The following NRG1 variants were observed in gnomAD, a reference collection of about 807,000 sequenced individuals.
NRG1 encodes pro-neuregulin-1, membrane-bound isoform.
NRG1 carries 18 observed loss-of-function variants against 63.8 expected under a neutral mutation model. The observed-to-expected ratio is 0.28, with a 90% CI of 0.19 to 0.42. The LOEUF (loss-of-function observed/expected upper bound fraction) is 0.42, where lower values mean the gene tolerates loss of function less well. Among genes scored for constraint, NRG1 ranks in the 10% least tolerant of loss-of-function variants. NRG1 has a pLI of 1.00. For synonymous variants in NRG1, 302 were observed against 301.3 expected, an observed-to-expected ratio of 1.00 and a Z score of -0.02; for missense variants, 762 against 814.7, an observed-to-expected ratio of 0.94 and a Z score of 0.79.
chr8:32,258,187 G>A (rs147017268), intron 1 of NRG1, among the ~76,000 whole-genome samples: 503 of 152,228 alleles, frequency 3.3e-3, no homozygotes, highest in South Asian at 0.024. Flanking sequence ...ATGCATTTAC[G>A]TGTGAAGGAA....
At chr8:31,661,812 G>A (rs780553634) in intron 1 of NRG1, among the ~76,000 whole-genome samples, 2 of 152,212 alleles carry the variant, frequency 1.3e-5, no homozygotes, top group Non-Finnish European at 2.9e-5. Context: ...CATATTCATA[G>A]TTATTTGTTG....
chr8:32,625,969 T>G (rs1849191406), intron 5 of NRG1, among the ~76,000 whole-genome samples: 1 of 151,932 alleles, frequency 6.6e-6, no homozygotes, highest in African/African-American at 2.4e-5. Flanking sequence ...AATTTTTGTA[T>G]TATTAGTAGA....
chr8:32,043,301 T>C (rs1378319348), intron 1 of NRG1, among the ~76,000 whole-genome samples: 1 of 152,074 alleles, frequency 6.6e-6, no homozygotes, highest in Non-Finnish European at 1.5e-5. Context: ...TTTTAAATGC[T>C]GGAGGAAAAG....
intron 1 of NRG1, among the ~76,000 whole-genome samples, chr8:32,235,965 G>C (rs1010418991): frequency 6.6e-6 from 1 of 152,124 alleles, no homozygotes; most frequent in African/African-American, 2.4e-5. Flanking sequence ...CTCAGAATCA[G>C]AACTGTTCAA....
intron 1 of NRG1, among the ~76,000 whole-genome samples, chr8:32,109,145 C>A (rs1381325149): frequency 6.6e-6 from 1 of 152,178 alleles, no homozygotes; most frequent in Non-Finnish European, 1.5e-5. Flanking sequence ...AATAGAAAAG[C>A]TTATGATCTC....
At chr8:32,241,843 C>G (rs143255215) in intron 1 of NRG1, among the ~76,000 whole-genome samples, 2 of 151,708 alleles carry the variant, frequency 1.3e-5, no homozygotes, top group Non-Finnish European at 2.9e-5. Context: ...ACTGTAGCCT[C>G]GAACTCCTGG....
chr8:32,518,947 T>A (rs2129504890), intron 1 of NRG1, among the ~76,000 whole-genome samples: 1 of 152,304 alleles, frequency 6.6e-6, no homozygotes, highest in East Asian at 1.9e-4. Flanking sequence ...TTTAAATAAA[T>A]CATAAATAAG....
At chr8:32,657,565 T>C (rs1428713207) in intron 5 of NRG1, among the ~76,000 whole-genome samples, 1 of 152,188 alleles carries the variant, frequency 6.6e-6, no homozygotes, top group Non-Finnish European at 1.5e-5. Context: ...ACTTTCAGTG[T>C]TGCCTCTTCC....
At chr8:32,269,263 A>G (rs1198059103) in intron 1 of NRG1, among the ~76,000 whole-genome samples, 1 of 152,204 alleles carries the variant, frequency 6.6e-6, no homozygotes, top group Admixed American at 6.5e-5. Context: ...CTATTTGGAA[A>G]TAAAGTGAAG....
At chr8:31,719,782 A>T (rs966480051) in intron 1 of NRG1, among the ~76,000 whole-genome samples, 4 of 152,108 alleles carry the variant, frequency 2.6e-5, no homozygotes, top group African/African-American at 9.7e-5. Context: ...AGAAATGGAA[A>T]TTTATCTGCA....
At chr8:32,525,000 T>C (rs1830685225) in intron 1 of NRG1, among the ~76,000 whole-genome samples, 1 of 152,222 alleles carries the variant, frequency 6.6e-6, no homozygotes, top group Non-Finnish European at 1.5e-5. Flanking sequence ...ACAAATATAA[T>C]GCAATCCAAT....
chr8:31,948,157 C>T (rs1400916114), intron 1 of NRG1, among the ~76,000 whole-genome samples: 1 of 151,906 alleles, frequency 6.6e-6, no homozygotes, highest in Non-Finnish European at 1.5e-5. Context: ...AAGTTATTTA[C>T]CAAAGCATCA....
intron 1 of NRG1, among the ~76,000 whole-genome samples, chr8:32,496,283 C>T (rs1470920581): frequency 6.6e-6 from 1 of 152,158 alleles, no homozygotes; most frequent in South Asian, 2.1e-4. Context: ...AATCCCTGAA[C>T]ATTTTACAAA....
At chr8:31,813,697 T>G (rs1823155001) in intron 1 of NRG1, among the ~76,000 whole-genome samples, 1 of 151,558 alleles carries the variant, frequency 6.6e-6, no homozygotes, top group Non-Finnish European at 1.5e-5. Flanking sequence ...CTGGCTAAAT[T>G]TTGTATTTTT....
chr8:32,771,716 ATATAT>A (rs1254812840), downstream of NRG1, among the ~76,000 whole-genome samples: 1 of 66,778 alleles, frequency 1.5e-5, no homozygotes, highest in African/African-American at 6.2e-5. Context: ...TAAAAAAAAA[ATATAT>A]ATATATATAT....
chr8:32,695,417 G>GAAAAA (rs1313254050), intron 5 of NRG1, among the ~76,000 whole-genome samples: 1 of 151,536 alleles, frequency 6.6e-6, no homozygotes, highest in African/African-American at 2.4e-5. Context: ...GAAAAGAAAA[G>GAAAAA]AAAAAAAGAA....
chr8:32,716,312 T>G (rs967291685), intron 5 of NRG1, among the ~76,000 whole-genome samples: 9 of 152,210 alleles, frequency 5.9e-5, no homozygotes, highest in African/African-American at 2.2e-4. Context: ...CTACAGGAAC[T>G]GCATGGAAAT....
At chr8:31,806,654 C>G (rs989831444) in intron 1 of NRG1, among the ~76,000 whole-genome samples, 2 of 152,144 alleles carry the variant, frequency 1.3e-5, no homozygotes, top group Non-Finnish European at 2.9e-5. Flanking sequence ...AAAAGGAATC[C>G]TTTTCATTTT....
At chr8:32,200,426 C>T (rs1014514281) in intron 1 of NRG1, among the ~76,000 whole-genome samples, 41 of 151,826 alleles carry the variant, frequency 2.7e-4, no homozygotes, top group Middle Eastern at 3.2e-3. Flanking sequence ...TTTTTTTAAC[C>T]GTTTTGTCTG....
Sources: gnomAD v4.1 joint callset for allele counts (sites outside exome capture counted in the v4.1 genomes callset) on GRCh38, gnomAD v4.1.1 for gene constraint, MANE v1.5 for transcripts, NCBI Gene and HGNC (gene_info 2026-07-23, HGNC 2026-07-21) for gene names.